Variants in GRM7 observed in about 807,000 individuals in gnomAD.
The protein encoded by GRM7 is metabotropic glutamate receptor 7.
GRM7 carries 35 observed loss-of-function variants against 84.5 expected under a neutral mutation model. That is an observed-to-expected ratio of 0.41 (90% CI 0.32 to 0.55). GRM7 has a LOEUF of 0.55. Ranked by LOEUF, GRM7 falls within the 20% of genes least tolerant of loss-of-function variation. GRM7 has a pLI of 0.19. For synonymous variants in GRM7, 487 were observed against 455.1 expected (o/e 1.07, Z -0.89); for missense variants, 1,003 against 1,194.6 (o/e 0.84, Z 2.36).
intron 1 of GRM7, among the ~76,000 whole-genome samples, chr3:7,099,627 GTA>G: frequency 8.1e-6 from 1 of 123,764 alleles, no homozygotes; most frequent in Non-Finnish European, 1.6e-5. Flanking sequence ...ATATGTATAT[GTA>G]CACGCATTAT....
Position 7,277,747 on chromosome 3 carries a change from A to G in GRM7, c.737-20937A>G, listed in dbSNP as rs541360362. Among the ~76,000 whole-genome samples, 4 of 152,184 alleles carry G rather than the reference A, an allele frequency of 2.6e-5. No individual in the cohort carries two copies. The East Asian group carries it at 7.7e-4, about 29-fold the overall frequency. Reference sequence around the variant, plus strand: ...TATTTGTACAGGTTGTTTTTGGATTACGGTATGTTAAAATGGAAATGAAAG... The same window carrying G: ...TATTTGTACAGGTTGTTTTTGGATTGCGGTATGTTAAAATGGAAATGAAAG... On this transcript the variant is annotated intron_variant, in intron 2 of 9. Coordinates refer to ENST00000357716, the MANE Select transcript of GRM7 (RefSeq NM_000844.4).
intron 9 of GRM7, among the ~76,000 whole-genome samples, chr3:7,739,297 T>C (rs898327408): frequency 1.3e-5 from 2 of 152,202 alleles, no homozygotes; most frequent in Non-Finnish European, 1.5e-5. Flanking sequence ...AGTATGTTAA[T>C]ATGACTTCTC....
intron 2 of GRM7, among the ~76,000 whole-genome samples, chr3:7,293,318 A>T (rs7640406): frequency 0.049 from 7,382 of 152,178 alleles, 573 homozygotes; most frequent in African/African-American, 0.17. Context: ...CCATGCGCAG[A>T]CAGAAAACTG....
Position 7,452,819 on chromosome 3 carries a change from A to G in GRM7, c.1375+12A>G. 1 of 1,559,568 alleles carries G rather than the reference A, an allele frequency of 6.4e-7. No individual in the cohort carries two copies. Among genetic ancestry groups the G allele is most frequent in the Non-Finnish European group, 8.8e-7 (1 of 1,131,304 alleles). ...TGTTAATTTCAATGGTGAGTCTCCA[A>G]AAATCCATCCTTTTTGGAATCCTAA... is the stretch of plus-strand genomic sequence containing the variant. On this transcript the variant is annotated intron_variant, in intron 6 of 9. Transcript: ENST00000357716.
At chr3:7,668,582 T>G (rs1321793126) in intron 8 of GRM7, among the ~76,000 whole-genome samples, 1 of 152,212 alleles carries the variant, frequency 6.6e-6, no homozygotes, top group Non-Finnish European at 1.5e-5. Context: ...GCTGAGAAAG[T>G]GAAGCTTAAG....
At chr3:7,296,815 C>CT (rs112059436) in intron 2 of GRM7, among the ~76,000 whole-genome samples, 3,573 of 150,336 alleles carry the variant, frequency 0.024, 148 homozygotes, top group African/African-American at 0.081. Flanking sequence ...TCAAAAACAG[C>CT]TTTTTTAAAA....
chr3:7,626,870 C>T (rs1005431634), intron 8 of GRM7, among the ~76,000 whole-genome samples: 79 of 151,208 alleles, frequency 5.2e-4, no homozygotes, highest in Admixed American at 3.2e-3. Context: ...ATGTCAAGAC[C>T]GAACATTATT....
intron 2 of GRM7, among the ~76,000 whole-genome samples, chr3:7,198,471 C>T (rs1380328457): frequency 6.6e-6 from 1 of 152,132 alleles, no homozygotes; most frequent in Non-Finnish European, 1.5e-5. Context: ...TTGAGACATG[C>T]ACAGATGCTC....
intron 2 of GRM7, among the ~76,000 whole-genome samples, chr3:7,237,118 A>C (rs1178109088): frequency 1.3e-5 from 2 of 152,194 alleles, no homozygotes; most frequent in South Asian, 2.1e-4. Flanking sequence ...AGGTAAAAAA[A>C]CTGAAACTCA....
rs185029584 is a variant in GRM7, at chr3:7,683,377, T to G, written c.2698+3082T>G. 2.8e-3 allele frequency among the ~76,000 whole-genome samples: 425 copies of G among 152,322 alleles called. 7 individuals are homozygous for G. Among genetic ancestry groups the G allele is most frequent in the Middle Eastern group, 0.02 (6 of 294 alleles). ...TCTACATAGAGCCAAGGTAAACAAT[T>G]CAGAAAAATAAAATAAAATAGAGTC... On this transcript the variant is annotated intron_variant, in intron 9 of 9. Coordinates refer to ENST00000357716, the MANE Select transcript of GRM7 (RefSeq NM_000844.4).
chr3:7,028,014 A>G (rs1397428859), intron 1 of GRM7, among the ~76,000 whole-genome samples: 1 of 151,212 alleles, frequency 6.6e-6, no homozygotes, highest in Non-Finnish European at 1.5e-5. Flanking sequence ...AGTAAATCTT[A>G]TTTTCTTCTA....
chr3:7,046,371 C>A (rs1274732355), intron 1 of GRM7, among the ~76,000 whole-genome samples: 1 of 152,112 alleles, frequency 6.6e-6, no homozygotes, highest in Non-Finnish European at 1.5e-5. Flanking sequence ...CAAAGTCTTA[C>A]ATATGATGTT....
chr3:6,982,613 A>G (rs1451950788), intron 1 of GRM7, among the ~76,000 whole-genome samples: 3 of 146,304 alleles, frequency 2.1e-5, no homozygotes, highest in African/African-American at 7.4e-5. Flanking sequence ...AACTCAAAAG[A>G]AAAAAAAAAA....
chr3:7,023,165 A>G (rs575602969), intron 1 of GRM7, among the ~76,000 whole-genome samples: 1 of 152,292 alleles, frequency 6.6e-6, no homozygotes, highest in East Asian at 1.9e-4. Context: ...AGAAAAATAA[A>G]TGAAAAGTGT....
At chr3:7,588,760 T>C in intron 8 of GRM7, among the ~76,000 whole-genome samples, 1 of 152,208 alleles carries the variant, frequency 6.6e-6, no homozygotes, top group East Asian at 1.9e-4. Flanking sequence ...GGTAGAAATG[T>C]ATTGGTGGAC....
intron 8 of GRM7, among the ~76,000 whole-genome samples, chr3:7,596,870 A>G (rs1003998751): frequency 1.1e-4 from 17 of 152,156 alleles, no homozygotes; most frequent in African/African-American, 4.1e-4. Flanking sequence ...GGAGAGGGTT[A>G]TAGGATCAAG....
At chr3:6,897,386 G>A (rs1314472680) in intron 1 of GRM7, among the ~76,000 whole-genome samples, 1 of 152,126 alleles carries the variant, frequency 6.6e-6, no homozygotes, top group Non-Finnish European at 1.5e-5. Context: ...AATGCTCCAG[G>A]TGACTTCAAT....
chr3:7,049,376 C>A (rs1037777821), intron 1 of GRM7, among the ~76,000 whole-genome samples: 26 of 152,032 alleles, frequency 1.7e-4, no homozygotes, highest in African/African-American at 6.3e-4. Context: ...GGCAAGAGAG[C>A]TTGTGCAGGG....
intron 5 of GRM7, among the ~76,000 whole-genome samples, chr3:7,432,786 G>A (rs1341601704): frequency 1.3e-5 from 2 of 152,110 alleles, no homozygotes; most frequent in Non-Finnish European, 2.9e-5. Flanking sequence ...ATTAGACACA[G>A]TCAAAGAGAG....
Sources: allele counts gnomAD v4.1 joint callset (sites outside exome capture counted in the v4.1 genomes callset), GRCh38; gene constraint gnomAD v4.1.1; transcripts MANE v1.5; gene names NCBI Gene and HGNC (gene_info 2026-07-23, HGNC 2026-07-21).